Variants in PPFIA4 observed in about 807,000 individuals in gnomAD.
The protein encoded by PPFIA4 is PPFI scaffold protein A4.
Under a neutral mutation model 145.7 loss-of-function variants are expected in PPFIA4, and 98 were observed. The observed-to-expected ratio is 0.67, with a 90% CI of 0.57 to 0.80. The LOEUF (loss-of-function observed/expected upper bound fraction) is 0.80, where lower values mean the gene tolerates loss of function less well. Ranked by LOEUF, PPFIA4 falls within the 30% of genes least tolerant of loss-of-function variation. The pLI is 0.00. For synonymous variants in PPFIA4, 628 were observed against 649.6 expected (o/e 0.97, Z 0.51); for missense variants, 1,457 against 1,632.7 (o/e 0.89, Z 1.85).
chr1:203,033,496 T>A (rs566110067), intron 1 of PPFIA4, among the ~76,000 whole-genome samples: 1 of 152,308 alleles, frequency 6.6e-6, no homozygotes, highest in South Asian at 2.1e-4. Context: ...CTCAGCACTT[T>A]GTGTAGGCTG....
Position 203,038,812 on chromosome 1 carries a change from G to GAAGGCC in PPFIA4, c.-197_-196insAAGGCC. On this transcript the variant is annotated 5_prime_UTR_variant, in exon 2 of 30. Coordinates refer to ENST00000295706, the MANE Select transcript of PPFIA4 (RefSeq NM_001304331.2). ...AAGTTAAGCCAGGCCTTCTGGCTCA[G>GAAGGCC]TTCCACAGGGGCACTCCAGACCCCA... 1 of 484,598 alleles carries GAAGGCC rather than the reference G, an allele frequency of 2.1e-6. No homozygotes were observed. The highest frequency in any genetic ancestry group is 3.7e-6 in the Non-Finnish European group (1 of 273,510). The allele number at this position is 484,598 out of a possible 1,614,324, so 30.0% of individuals were successfully genotyped here.
chr1:203,044,553 GC>G, intron 5 of PPFIA4, 100 bp downstream of exon 5: 1 of 1,417,548 alleles, frequency 7.1e-7, no homozygotes, highest in Non-Finnish European at 9.6e-7. Context: ...CCCTGCCATG[GC>G]TGGAAGCTGC....
chr1:203,036,669 T>C (rs1051783816), intron 1 of PPFIA4, among the ~76,000 whole-genome samples: 3 of 152,038 alleles, frequency 2.0e-5, no homozygotes, highest in Non-Finnish European at 2.9e-5. Context: ...GACCTGGGCA[T>C]GGTGGGTGGG....
rs1399956894 is a variant in PPFIA4 at position 203,048,489 on chromosome 1, G to A, written c.1225-94G>A. On this transcript the variant is annotated intron_variant, in intron 10 of 29. Coordinates refer to ENST00000295706, the MANE Select transcript of PPFIA4 (RefSeq NM_001304331.2). The surrounding 1 kb of genome is among the most constrained non-coding windows in gnomAD (Gnocchi z 5.8). ...AGACTGGAGAGAGTGGCTCCCAGAGGATGAGAAGAGGACAGGGGAGGGAGT... is the reference window on the plus strand; with the variant it reads ...AGACTGGAGAGAGTGGCTCCCAGAGAATGAGAAGAGGACAGGGGAGGGAGT... The A allele has an allele frequency of 2.6e-6, 4 of 1,527,052 alleles. No homozygotes were observed. The highest frequency in any genetic ancestry group is 1.4e-5 in the African/African-American group (1 of 72,524). 94.6% of individuals were successfully genotyped at this position (1,527,052 alleles called of 1,614,324 possible).
Position 203,055,317 on chromosome 1 carries a change from TG to T in PPFIA4, c.1830-113del. 7.3e-7 allele frequency: 1 copy of T among 1,368,652 alleles called. No homozygotes were observed. The highest frequency in any genetic ancestry group is 1.0e-6 in the Non-Finnish European group (1 of 975,140). The allele number at this position is 1,368,652 out of a possible 1,614,324, so 84.8% of individuals were successfully genotyped here. On this transcript the variant is annotated intron_variant, in intron 15 of 29. Transcript: ENST00000295706. The surrounding 1 kb of genome is among the most constrained non-coding windows in gnomAD (Gnocchi z 4.8). ...AAGCTCCAGTGGGACAGACAAAGCCTGGCGGGTGTACACCGCATGTGGTCCT... is the reference window on the plus strand; with the variant it reads ...AAGCTCCAGTGGGACAGACAAAGCCTGCGGGTGTACACCGCATGTGGTCCT...
At chr1:203,070,881 T>C (rs114586635) in intron 27 of PPFIA4, among the ~76,000 whole-genome samples, 252 of 152,216 alleles carry the variant, frequency 1.7e-3, no homozygotes, top group Non-Finnish European at 2.0e-3. Flanking sequence ...AGGCACAATT[T>C]TCCCCTTTCA....
At chr1:203,034,697 C>T (rs1261413231) in intron 1 of PPFIA4, 4 of 456,538 alleles carry the variant, frequency 8.8e-6, no homozygotes, top group Non-Finnish European at 1.8e-5. Context: ...GTTGGCTGCT[C>T]TGCAGAGGCC....
chr1:203,044,468 C>A lies in PPFIA4; in HGVS notation c.576+15C>A, dbSNP rs1305145273. 7 of 1,547,734 alleles carry A rather than the reference C, an allele frequency of 4.5e-6. No homozygotes were observed. The highest frequency in any genetic ancestry group is 4.9e-5 in the East Asian group (2 of 40,920). ...CCCACCAGCAGGTAATCTGCCTGCT[C>A]ACCCTCAGTCTGCAGCTCCTGGAAG... On this transcript the variant is annotated intron_variant, in intron 5 of 29. Transcript: ENST00000295706.
rs953322425 is a variant in PPFIA4 at position 203,068,313 on chromosome 1, T to C, written c.3149-140T>C. The C allele has an allele frequency of 1.1e-5, 8 of 726,888 alleles. No homozygotes were observed. Among genetic ancestry groups the C allele is most frequent in the Admixed American group, 7.5e-5 (2 of 26,582 alleles). 45.0% of individuals were successfully genotyped at this position (726,888 alleles called of 1,614,324 possible). A position where few individuals can be genotyped will look rare whatever the true frequency, so the allele number is the denominator to read the frequency against. ...TGCCAGGGAGGAGAGAAAGAAGATA[T>C]GGAAATTTAGGGATGGAGTGGGGGT... On this transcript the variant is annotated intron_variant, in intron 26 of 29. Coordinates refer to ENST00000295706, the MANE Select transcript of PPFIA4 (RefSeq NM_001304331.2). This position sits in a 1 kb window ranked among gnomAD's most constrained non-coding sequence, Gnocchi z 4.7.
In PPFIA4 at chr1:203,031,531, C is replaced by T. The variant is rs1658828935; in HGVS notation, c.-400+4902C>T. Among the ~76,000 whole-genome samples, 2 of 152,300 alleles carry T rather than the reference C, an allele frequency of 1.3e-5. 1 individual carries two copies. The highest frequency in any genetic ancestry group is 4.1e-4 in the South Asian group (2 of 4,828). ...TAATGCACATTTTTTATGATGCCTACATTCCTCCCTGCAGTTCTGTACTCT... is the reference window on the plus strand; with the variant it reads ...TAATGCACATTTTTTATGATGCCTATATTCCTCCCTGCAGTTCTGTACTCT... On this transcript the variant is annotated intron_variant, in intron 1 of 29. Transcript: ENST00000295706.
chr1:203,045,648 C>T, intron 7 of PPFIA4, 89 bp downstream of exon 7: 1 of 1,458,806 alleles, frequency 6.9e-7, no homozygotes, highest in Non-Finnish European at 9.2e-7. Context: ...TGAGACTGAA[C>T]ACCTGCCTCC....
chr1:203,055,750 C>T lies in PPFIA4; in HGVS notation c.2070+78C>T, dbSNP rs969566257. 21 of 1,583,802 alleles carry T rather than the reference C, an allele frequency of 1.3e-5. No individual in the cohort carries two copies. The highest frequency in any genetic ancestry group is 9.4e-5 in the African/African-American group (7 of 74,420). On this transcript the variant is annotated intron_variant, in intron 16 of 29. Coordinates refer to ENST00000295706, the MANE Select transcript of PPFIA4 (RefSeq NM_001304331.2). The surrounding 1 kb of genome is among the most constrained non-coding windows in gnomAD (Gnocchi z 4.8). Reference sequence around the variant, plus strand: ...AGGTTTTAAGGGATGGTAGGACTCACGTGCTCTCAGCTGGGCCTGCCATCT... The same window carrying T: ...AGGTTTTAAGGGATGGTAGGACTCATGTGCTCTCAGCTGGGCCTGCCATCT...
chr1:203,072,181 G>C (rs1358469882), intron 28 of PPFIA4, among the ~76,000 whole-genome samples: 1 of 152,176 alleles, frequency 6.6e-6, no homozygotes. Flanking sequence ...ATTCCAGCCT[G>C]TCCTCCAGGA....
In PPFIA4 at chr1:203,030,556, T is replaced by C. The variant is rs1291147263; in HGVS notation, c.-400+3927T>C. 2.0e-5 allele frequency among the ~76,000 whole-genome samples: 3 copies of C among 152,316 alleles called. No homozygotes were observed. The East Asian group carries it at 5.8e-4, about 29-fold the overall frequency. Reference sequence around the variant, plus strand: ...ATGGGATGGCCCCAGTTCCATGACTTCAGCTTAAACTAGGCTAGTTGTGGA... The same window carrying C: ...ATGGGATGGCCCCAGTTCCATGACTCCAGCTTAAACTAGGCTAGTTGTGGA... On this transcript the variant is annotated intron_variant, in intron 1 of 29. Coordinates refer to ENST00000295706, the MANE Select transcript of PPFIA4 (RefSeq NM_001304331.2).
chr1:203,039,195 C>A lies in PPFIA4; in HGVS notation c.187C>A (p.His63Asn), dbSNP rs756267309. The A allele has an allele frequency of 1.2e-6, 2 of 1,606,534 alleles. No individual in the cohort carries two copies. The highest frequency in any genetic ancestry group is 4.5e-5 in the East Asian group (2 of 44,622). ...ATQSRLQDAI[H>N]ERDQLQRHLN... ...ACAGAGCCGGCTCCAGGATGCCATA[C>A]ACGAGCGGGACCAGCTCCAGCGCCA... The change falls in exon 2 of 30, where the codon CAC becomes AAC. Residue 63 changes from histidine (H) to asparagine (N), a missense_variant. His to Asn is a moderately conservative substitution (Grantham distance 68, BLOSUM62 1). Transcript: ENST00000295706.
At chr1:203,076,121 C>T in intron 29 of PPFIA4, 1 of 609,970 alleles carries the variant, frequency 1.6e-6, no homozygotes, top group Admixed American at 3.1e-5. Context: ...GCTGCTGGCC[C>T]TCGGCCCCAC....
At position 203,077,182 on chromosome 1, in the gene PPFIA4, C is replaced by G. The variant is rs970982094; in HGVS notation, c.*792C>G. 6.6e-6 allele frequency: 1 copy of G among 152,250 alleles called. No homozygotes were observed. The highest frequency in any genetic ancestry group is 1.5e-5 in the Non-Finnish European group (1 of 68,088). The allele number at this position is 152,250 out of a possible 1,614,324, so 9.4% of individuals were successfully genotyped here. On this transcript the variant is annotated 3_prime_UTR_variant, in exon 30 of 30. Transcript: ENST00000295706. ...ATAGGCAGACCAGCCAGAGGGAGAG[C>G]CAATGGCCTCTGGTAGCCTTAAGCC...
In PPFIA4 at chr1:203,076,461, G is replaced by A; in HGVS notation, c.*71G>A. The A allele has an allele frequency of 4.2e-6, 6 of 1,424,412 alleles. No homozygotes were observed. The highest frequency in any genetic ancestry group is 4.5e-5 in the East Asian group (2 of 44,004). 88.2% of individuals were successfully genotyped at this position (1,424,412 alleles called of 1,614,324 possible). Reference sequence around the variant, plus strand: ...CCTCTGGCCCTGACCCCTCTTGCTCGTTCCCCTTCCTTCCGCAGCTCCTAG... The same window carrying A: ...CCTCTGGCCCTGACCCCTCTTGCTCATTCCCCTTCCTTCCGCAGCTCCTAG... On this transcript the variant is annotated 3_prime_UTR_variant, in exon 30 of 30. Coordinates refer to ENST00000295706, the MANE Select transcript of PPFIA4 (RefSeq NM_001304331.2).
chr1:203,052,689 G>A (rs1660624062), intron 14 of PPFIA4, among the ~76,000 whole-genome samples: 1 of 152,178 alleles, frequency 6.6e-6, no homozygotes, highest in East Asian at 1.9e-4. Flanking sequence ...AGGGGAGCTA[G>A]GGGGCTTGGG....
Sources: gnomAD v4.1 joint callset for allele counts (sites outside exome capture counted in the v4.1 genomes callset) on GRCh38, gnomAD v4.1.1 for gene constraint, Gnocchi (gnomAD v3.1) non-coding constraint, MANE v1.5 for transcripts, NCBI Gene and HGNC (gene_info 2026-07-23, HGNC 2026-07-21) for gene names.